The following RERE variants were observed in gnomAD, a reference collection of about 807,000 sequenced individuals.
RERE encodes arginine-glutamic acid dipeptide repeats, also known as arginine-glutamic acid dipeptide repeats protein.
Under a neutral mutation model 146.1 loss-of-function variants are expected in RERE, and 40 were observed. The observed-to-expected ratio is 0.27, with a 90% CI of 0.21 to 0.36. RERE has a LOEUF of 0.36. Ranked by LOEUF, RERE falls within the 10% of genes least tolerant of loss-of-function variation. RERE has a pLI of 1.00. For synonymous variants in RERE, 1,003 were observed against 866.0 expected, an observed-to-expected ratio of 1.16 and a Z score of -2.78; for missense variants, 1,933 against 2,138.7, an observed-to-expected ratio of 0.90 and a Z score of 1.90.
chr1:8,443,578 C>G (rs772042738), intron 11 of RERE, among the ~76,000 whole-genome samples: 1 of 151,898 alleles, frequency 6.6e-6, no homozygotes, highest in Non-Finnish European at 1.5e-5. Context: ...GCGCTGATAT[C>G]CAAGACAATG....
intron 4 of RERE, among the ~76,000 whole-genome samples, chr1:8,575,556 TA>T (rs1283989156): frequency 0.047 from 3,816 of 81,994 alleles, 124 homozygotes; most frequent in African/African-American, 0.12. Flanking sequence ...TATATATATA[TA>T]TATATTTTTT....
intron 12 of RERE, among the ~76,000 whole-genome samples, chr1:8,411,317 CTTT>C (rs35754702): frequency 2.1e-5 from 3 of 139,942 alleles, no homozygotes; most frequent in Non-Finnish European, 4.7e-5. Flanking sequence ...GGCTTCAAGT[CTTT>C]TTTTTTTTTT....
intron 1 of RERE, among the ~76,000 whole-genome samples, chr1:8,710,042 T>C (rs1206227253): frequency 6.6e-6 from 1 of 152,228 alleles, no homozygotes; most frequent in East Asian, 1.9e-4. Context: ...GTAGTCCCTG[T>C]CAAGCCTCCT....
chr1:8,800,548 T>A (rs1426592723), intron 1 of RERE, among the ~76,000 whole-genome samples: 1 of 152,108 alleles, frequency 6.6e-6, no homozygotes, highest in Non-Finnish European at 1.5e-5. Context: ...CCAGGCACTG[T>A]GGTACACACC....
chr1:8,748,872 A>G (rs993378992), intron 1 of RERE, among the ~76,000 whole-genome samples: 1 of 152,206 alleles, frequency 6.6e-6, no homozygotes, highest in Non-Finnish European at 1.5e-5. Context: ...AAGTGTTCAT[A>G]ATGAGGTATC....
intron 10 of RERE, among the ~76,000 whole-genome samples, chr1:8,469,162 C>T (rs962024344): frequency 5.9e-5 from 9 of 151,724 alleles, no homozygotes; most frequent in South Asian, 2.1e-4. Flanking sequence ...AAAAAAAAAT[C>T]GGCCTCAAGT....
chr1:8,776,606 T>C (rs1465380444), intron 1 of RERE, among the ~76,000 whole-genome samples: 1 of 152,222 alleles, frequency 6.6e-6, no homozygotes, highest in Non-Finnish European at 1.5e-5. Flanking sequence ...CCCAAAATAT[T>C]GTTTCATTCT....
intron 11 of RERE, among the ~76,000 whole-genome samples, chr1:8,463,903 G>T (rs567531824): frequency 6.6e-6 from 1 of 152,350 alleles, no homozygotes; most frequent in Admixed American, 6.5e-5. Flanking sequence ...ACAAAGGGTG[G>T]TTAAACGACC....
At chr1:8,359,711 A>G in intron 19 of RERE, 53 bp downstream of exon 19, 1 of 1,570,858 alleles carries the variant, frequency 6.4e-7, no homozygotes, top group East Asian at 2.2e-5. Flanking sequence ...CGTGGCTCCC[A>G]GGCGCAGGAT....
intron 1 of RERE, among the ~76,000 whole-genome samples, chr1:8,692,689 CTAATA>C (rs1639232907): frequency 1.3e-5 from 2 of 152,026 alleles, no homozygotes; most frequent in South Asian, 4.1e-4. Flanking sequence ...CGTATAATAC[CTAATA>C]TAATATAAAC....
At chr1:8,774,519 A>T (rs1448204328) in intron 1 of RERE, among the ~76,000 whole-genome samples, 1 of 151,622 alleles carries the variant, frequency 6.6e-6, no homozygotes, top group Admixed American at 6.6e-5. Context: ...ACGCCCGGCT[A>T]ATTTTGTATT....
intron 4 of RERE, among the ~76,000 whole-genome samples, chr1:8,607,577 G>T (rs1233656853): frequency 3.4e-5 from 3 of 88,442 alleles, no homozygotes; most frequent in African/African-American, 1.7e-4. Flanking sequence ...ACGGAGTCTC[G>T]CTCTGTCGTC....
At chr1:8,517,919 G>T (rs902186946) in intron 7 of RERE, among the ~76,000 whole-genome samples, 3 of 152,222 alleles carry the variant, frequency 2.0e-5, no homozygotes, top group Non-Finnish European at 4.4e-5. Context: ...AAAGGGAGAA[G>T]CATCTTTGCA....
intron 4 of RERE, among the ~76,000 whole-genome samples, chr1:8,585,341 T>C (rs912506453): frequency 6.6e-6 from 1 of 152,146 alleles, no homozygotes; most frequent in South Asian, 2.1e-4. Flanking sequence ...ATATATAATA[T>C]TTCCCAGCTC....
intron 4 of RERE, among the ~76,000 whole-genome samples, chr1:8,561,093 G>A (rs1170564956): frequency 4.6e-5 from 7 of 152,130 alleles, no homozygotes; most frequent in African/African-American, 1.4e-4. Flanking sequence ...TTATCTTATG[G>A]TGTAGGAATA....
At chr1:8,530,565 T>G (rs532028568) in intron 7 of RERE, among the ~76,000 whole-genome samples, 1 of 152,098 alleles carries the variant, frequency 6.6e-6, no homozygotes, top group African/African-American at 2.4e-5. Flanking sequence ...GGAAGAGATA[T>G]TCTAATTAGT....
At chr1:8,798,216 G>A (rs1347502812) in intron 1 of RERE, among the ~76,000 whole-genome samples, 1 of 152,066 alleles carries the variant, frequency 6.6e-6, no homozygotes, top group African/African-American at 2.4e-5. Context: ...CCAACAAGGC[G>A]AAACCCGGTC....
chr1:8,500,672 T>C (rs978601907), intron 8 of RERE, among the ~76,000 whole-genome samples: 11 of 145,726 alleles, frequency 7.5e-5, no homozygotes, highest in African/African-American at 1.5e-4. Context: ...TGGCCGCCCA[T>C]CGTCTGGGAT....
At chr1:8,791,142 T>C (rs2124574763) in intron 1 of RERE, among the ~76,000 whole-genome samples, 1 of 152,302 alleles carries the variant, frequency 6.6e-6, no homozygotes, top group Admixed American at 6.5e-5. Flanking sequence ...ACTAATGACA[T>C]GGAAAATCCC....
Sources: allele counts gnomAD v4.1 joint callset (sites outside exome capture counted in the v4.1 genomes callset), GRCh38; gene constraint gnomAD v4.1.1; transcripts MANE v1.5; gene names NCBI Gene and HGNC (gene_info 2026-07-23, HGNC 2026-07-21).